Variants in EHD1 observed in about 807,000 individuals in gnomAD.
EHD1 encodes EH domain-containing protein 1.
Under a neutral mutation model 39.0 loss-of-function variants are expected in EHD1, and 19 were observed. The ratio of observed to expected loss-of-function variants is 0.49; its 90% CI spans 0.34 to 0.72. The LOEUF (loss-of-function observed/expected upper bound fraction) is 0.72. Ranked by LOEUF, EHD1 falls within the 30% of genes least tolerant of loss-of-function variation. The pLI, the probability that EHD1 is intolerant of heterozygous loss-of-function variation, is 0.01. For missense variants in EHD1, 542 were observed against 751.5 expected (o/e 0.72, Z 3.26); for synonymous variants, 323 against 331.2 (o/e 0.98, Z 0.27).
Position 64,854,837 on chromosome 11 carries a change from G to C in EHD1, c.1101C>G (p.Asp367Glu), listed in dbSNP as rs773420368. 1.9e-6 allele frequency: 3 copies of C among 1,599,546 alleles called. No individual in the cohort carries two copies. The African/African-American group carries it at 4.0e-5, about 21-fold the overall frequency. Residue 367 changes from aspartate (D) to glutamate (E), a missense_variant, in exon 5 of 5, where the codon GAC becomes GAG. Coordinates refer to ENST00000320631, the MANE Select transcript of EHD1 (RefSeq NM_006795.4). ...GCTTCAGCGCCTGGAACTTGCTGAAGTCCTGGGTCTGCAGGAGTTCCTGTG... is the reference window on the plus strand; with the variant it reads ...GCTTCAGCGCCTGGAACTTGCTGAACTCCTGGGTCTGCAGGAGTTCCTGTG... ...RKMQELLQTQ[D>E]FSKFQALKPK...
chr11:64,854,213 C>G lies in EHD1; in HGVS notation c.*120G>C. ...AAAGAAAGATGGTGGTTTTCCTTTT[C>G]GAGAGGCGAGGAAACATCCGCTCAG... On this transcript the variant is annotated 3_prime_UTR_variant, in exon 5 of 5. Coordinates refer to ENST00000320631, the MANE Select transcript of EHD1 (RefSeq NM_006795.4). 1.4e-6 allele frequency: 2 copies of G among 1,425,010 alleles called. No individual in the cohort carries two copies. Among genetic ancestry groups the G allele is most frequent in the Non-Finnish European group, 9.2e-7 (1 of 1,088,316 alleles). The allele number at this position is 1,425,010 out of a possible 1,614,324, so 88.3% of individuals were successfully genotyped here.
At position 64,854,534 on chromosome 11, in the gene EHD1, C is replaced by T; in HGVS notation, c.1404G>A (p.Lys468=). The T allele has an allele frequency of 6.2e-7, 1 of 1,614,204 alleles. No individual in the cohort carries two copies. The highest frequency in any genetic ancestry group is 8.5e-7 in the Non-Finnish European group (1 of 1,180,016). The change falls in exon 5 of 5, where the codon AAG becomes AAA. Residue 468 remains lysine (K), a synonymous_variant. Coordinates refer to ENST00000320631, the MANE Select transcript of EHD1 (RefSeq NM_006795.4). ...VNGKITGANA[K]KEMVKSKLPN... is the part of the protein sequence containing the mutation. ...GGAGCTTGGACTTCACCATCTCCTT[C>T]TTGGCGTTGGCGCCCGTGATCTTGC...
chr11:64,866,163 T>C (rs1418054225), intron 2 of EHD1, among the ~76,000 whole-genome samples: 1 of 152,104 alleles, frequency 6.6e-6, no homozygotes, highest in Admixed American at 6.5e-5. Context: ...CCACAGAGAA[T>C]ACTATCCACC....
chr11:64,874,962 C>T (rs1943869803), intron 1 of EHD1, among the ~76,000 whole-genome samples: 4 of 152,244 alleles, frequency 2.6e-5, no homozygotes, highest in Non-Finnish European at 5.9e-5. Flanking sequence ...CTAGGGCCAG[C>T]CCTGCCCTTT....
chr11:64,878,238 C>A lies in EHD1; in HGVS notation c.227G>T (p.Arg76Leu). The change falls in exon 1 of 5, where the codon CGA becomes CTA. Residue 76 changes from arginine to leucine, a missense_variant. Transcript: ENST00000320631. Reference protein sequence around the residue: ...QYSTGKTTFIRHLIEQDFPGM... With the variant: ...QYSTGKTTFILHLIEQDFPGM... ...CGGGAAGTCCTGCTCGATCAGGTGT[C>A]GGATGAAGGTGGTCTTGCCCGTGCT... The A allele has an allele frequency of 6.2e-7, 1 of 1,613,828 alleles. No homozygotes were observed. Among genetic ancestry groups the A allele is most frequent in the Non-Finnish European group, 8.5e-7 (1 of 1,179,796 alleles).
intron 2 of EHD1, among the ~76,000 whole-genome samples, chr11:64,869,879 G>T (rs1451021598): frequency 6.6e-6 from 1 of 152,228 alleles, no homozygotes; most frequent in Non-Finnish European, 1.5e-5. Context: ...GGAAGTGGGG[G>T]CGGCCCACGG....
At position 64,878,318 on chromosome 11, in the gene EHD1, C is replaced by T. The variant is rs3205254; in HGVS notation, c.147G>A (p.Ala49=). Residue 49 remains alanine, a synonymous_variant, in exon 1 of 5, where the codon GCG becomes GCA. Transcript: ENST00000320631. The stretch of plus-strand genomic sequence containing the variant: ...TGTTGTCGAAGTCAGCGTCCTCCAG[C>T]GCGGGCGAGTGGAACTCGTGGAAGC... ...HYRFHEFHSP[A]LEDADFDNKP... is the part of the protein sequence containing the mutation. The T allele has an allele frequency of 6.2e-7, 1 of 1,614,190 alleles. No homozygotes were observed. The highest frequency in any genetic ancestry group is 1.1e-5 in the South Asian group (1 of 91,092).
intron 3 of EHD1, among the ~76,000 whole-genome samples, chr11:64,857,267 T>C (rs1943663471): frequency 6.6e-6 from 1 of 151,902 alleles, no homozygotes; most frequent in African/African-American, 2.4e-5. Flanking sequence ...TCTACTAAAA[T>C]ATAAAAATTA....
chr11:64,857,179 T>A (rs902868129), intron 3 of EHD1, among the ~76,000 whole-genome samples: 7 of 152,120 alleles, frequency 4.6e-5, no homozygotes, highest in Non-Finnish European at 7.4e-5. Context: ...AATCCCAGCA[T>A]TTTGGGAGGC....
intron 3 of EHD1, chr11:64,855,889 TCAACCC>T (rs1943646831): frequency 1.1e-5 from 2 of 184,252 alleles, no homozygotes; most frequent in African/African-American, 5.2e-5. Context: ...CACCCTCCGC[TCAACCC>T]TCACCACGCA....
chr11:64,852,908 A>G lies in EHD1; in HGVS notation c.*1425T>C, dbSNP rs562315517. ...AGGAGAACAAGGCCAGTTCCTGCAG[A>G]CTCCGAGCAGCGCTGGGGAGAAGCT... On this transcript the variant is annotated 3_prime_UTR_variant, in exon 5 of 5. Coordinates refer to ENST00000320631, the MANE Select transcript of EHD1 (RefSeq NM_006795.4). The G allele has an allele frequency of 6.6e-6, 1 of 152,316 alleles. No individual in the cohort carries two copies. The highest frequency in any genetic ancestry group is 1.5e-5 in the Non-Finnish European group (1 of 68,100). 9.4% of individuals were successfully genotyped at this position (152,316 alleles called of 1,614,324 possible).
intron 2 of EHD1, among the ~76,000 whole-genome samples, chr11:64,871,443 A>G (rs1388286578): frequency 6.6e-6 from 1 of 152,128 alleles, no homozygotes; most frequent in Admixed American, 6.5e-5. Flanking sequence ...AGCGGGGCTC[A>G]TCCTGGAGTT....
chr11:64,861,435 G>T (rs1183364482), intron 2 of EHD1, among the ~76,000 whole-genome samples: 1 of 152,206 alleles, frequency 6.6e-6, no homozygotes, highest in Non-Finnish European at 1.5e-5. Context: ...CTCCAGTGTT[G>T]CCACCTGCCT....
At position 64,873,890 on chromosome 11, in the gene EHD1, G is replaced by C. The variant is rs187567802; in HGVS notation, c.502+531C>G. On this transcript the variant is annotated intron_variant, in intron 2 of 4. Coordinates refer to ENST00000320631, the MANE Select transcript of EHD1 (RefSeq NM_006795.4). ...GATGGGGTTTCACTGTGTTAGCCAG[G>C]ATGGTCTCAATCTCCTGACCTCGTG... 5.9e-3 allele frequency among the ~76,000 whole-genome samples: 898 copies of C among 151,314 alleles called. 10 individuals carry two copies. The highest frequency in any genetic ancestry group is 0.021 in the African/African-American group (849 of 41,302).
At chr11:64,878,689 C>T, upstream of EHD1, 2 of 1,351,310 alleles carry the variant, frequency 1.5e-6, no homozygotes, top group Non-Finnish European at 1.9e-6. Flanking sequence ...GCCGCCGCGG[C>T]GGGGGCAGGG....
In EHD1 at chr11:64,868,349, T is replaced by C. The variant is rs1433545735; in HGVS notation, c.502+6072A>G. ...ACAGAGGCGCCTCCGTTCCTCAGCATTTACCTGAGAGCAGCAGCAGCACAC... is the reference window on the plus strand; with the variant it reads ...ACAGAGGCGCCTCCGTTCCTCAGCACTTACCTGAGAGCAGCAGCAGCACAC... On this transcript the variant is annotated intron_variant, in intron 2 of 4. Coordinates refer to ENST00000320631, the MANE Select transcript of EHD1 (RefSeq NM_006795.4). The surrounding 1 kb of genome is among the most constrained non-coding windows in gnomAD (Gnocchi z 4.2). 1.3e-5 allele frequency among the ~76,000 whole-genome samples: 2 copies of C among 152,068 alleles called. No individual in the cohort carries two copies. The highest frequency in any genetic ancestry group is 2.4e-5 in the African/African-American group (1 of 41,374).
rs970329926 is a variant in EHD1, at chr11:64,855,056, C to A, written c.1081-199G>T. 4.7e-6 allele frequency: 4 copies of A among 844,264 alleles called. No homozygotes were observed. In the African/African-American group the frequency reaches 5.2e-5, roughly 11 times the overall value. 52.3% of individuals were successfully genotyped at this position (844,264 alleles called of 1,614,324 possible). On this transcript the variant is annotated intron_variant, in intron 4 of 4. Transcript: ENST00000320631. ...CTCCAGCTCTTTCCTTGCAGGGCTGCGGCAAGGATTCATGGACAGGGCACC... is the reference window on the plus strand; with the variant it reads ...CTCCAGCTCTTTCCTTGCAGGGCTGAGGCAAGGATTCATGGACAGGGCACC...
chr11:64,857,777 C>T (rs1943669159), intron 3 of EHD1, among the ~76,000 whole-genome samples: 1 of 152,212 alleles, frequency 6.6e-6, no homozygotes, highest in Non-Finnish European at 1.5e-5. Flanking sequence ...AGTGCCCATC[C>T]TCAGTCCTCA....
chr11:64,857,356 G>A (rs1414396416), intron 3 of EHD1, among the ~76,000 whole-genome samples: 11 of 152,128 alleles, frequency 7.2e-5, no homozygotes, highest in Non-Finnish European at 1.0e-4. Flanking sequence ...CCTGGGAAGC[G>A]GAGGTTGCAG....
Sources: allele counts gnomAD v4.1 joint callset (sites outside exome capture counted in the v4.1 genomes callset), GRCh38; gene constraint gnomAD v4.1.1; non-coding constraint Gnocchi (gnomAD v3.1); transcripts MANE v1.5; gene names NCBI Gene and HGNC (gene_info 2026-07-23, HGNC 2026-07-21).